Variants in NENF observed in about 807,000 individuals in gnomAD.
NENF encodes neudesin.
Under a neutral mutation model 14.8 loss-of-function variants are expected in NENF, and 6 were observed. The observed-to-expected ratio is 0.40, with a 90% CI of 0.22 to 0.80. The LOEUF (loss-of-function observed/expected upper bound fraction) is 0.80, where lower values mean the gene tolerates loss of function less well. Ranked by LOEUF, NENF falls within the 30% of genes least tolerant of loss-of-function variation. The pLI, the probability that NENF is intolerant of heterozygous loss-of-function variation, is 0.34. For missense variants in NENF, 184 were observed against 212.7 expected, an observed-to-expected ratio of 0.87 and a Z score of 0.84; for synonymous variants, 76 against 95.1, an observed-to-expected ratio of 0.80 and a Z score of 1.17.
At chr1:212,434,162 G>A (rs920082486) in intron 1 of NENF, among the ~76,000 whole-genome samples, 4 of 152,218 alleles carry the variant, frequency 2.6e-5, no homozygotes, top group African/African-American at 7.2e-5. Context: ...AGAACCATGA[G>A]TCAGTGAGGA....
At chr1:212,442,383 G>A (rs1223107947) in intron 1 of NENF, among the ~76,000 whole-genome samples, 182 bp from the exon 2 acceptor site, 1 of 152,264 alleles carries the variant, frequency 6.6e-6, no homozygotes, top group Non-Finnish European at 1.5e-5. Context: ...CCAAATTTCT[G>A]TGTGCGGGCA....
chr1:212,443,194 C>T (rs1662723033), intron 2 of NENF, among the ~76,000 whole-genome samples: 2 of 152,156 alleles, frequency 1.3e-5, no homozygotes, highest in South Asian at 4.2e-4. Flanking sequence ...AATGATTTAC[C>T]CTAGTTGAAG....
Position 212,446,019 on chromosome 1 carries a change from AG to A in NENF, c.*15del, listed in dbSNP as rs1662774574. 6.2e-7 allele frequency: 1 copy of A among 1,613,844 alleles called. No homozygotes were observed. ...GGATGAGTTCTGATGTTCCCCCTGC[AG>A]GAGCAGGTTCTTGGGAGCGTGAGGC... On this transcript the variant is annotated 3_prime_UTR_variant, in exon 4 of 4. Transcript: ENST00000366988.
intron 2 of NENF, among the ~76,000 whole-genome samples, chr1:212,443,104 T>C (rs994171511): frequency 1.3e-5 from 2 of 152,172 alleles, no homozygotes; most frequent in African/African-American, 4.8e-5. Flanking sequence ...CAGCAGGGGC[T>C]TTTTTCCCCT....
chr1:212,438,202 T>G (rs60977696), intron 1 of NENF, among the ~76,000 whole-genome samples: 6,711 of 152,340 alleles, frequency 0.044, 220 homozygotes, highest in Middle Eastern at 0.082. Context: ...GCGCTTGTTT[T>G]CTTCAACTCC....
intron 1 of NENF, among the ~76,000 whole-genome samples, chr1:212,435,715 T>C (rs370461082): frequency 6.6e-6 from 1 of 151,716 alleles, no homozygotes; most frequent in Non-Finnish European, 1.5e-5. Flanking sequence ...TGGCTATTTT[T>C]TAAATTTTCT....
chr1:212,435,778 C>G (rs559494359), intron 1 of NENF, among the ~76,000 whole-genome samples: 4 of 151,992 alleles, frequency 2.6e-5, no homozygotes, highest in Non-Finnish European at 5.9e-5. Context: ...CTCCTGGGCT[C>G]AAGCAACTCT....
At chr1:212,434,821 AAAAGACCCTTG>A (rs1404185662) in intron 1 of NENF, 1 of 152,176 alleles carries the variant, frequency 6.6e-6, no homozygotes, top group Non-Finnish European at 1.5e-5. Flanking sequence ...GAGGACTGAG[AAAAGACCCTTG>A]GTTTTTTGAT....
In NENF at chr1:212,433,042, G is replaced by A. The variant is rs1662543197; in HGVS notation, c.99G>A (p.Gln33=). 4 of 1,187,298 alleles carry A rather than the reference G, an allele frequency of 3.4e-6. No individual in the cohort carries two copies. The highest frequency in any genetic ancestry group is 4.5e-5 in the Admixed American group (1 of 22,098). The allele number at this position is 1,187,298 out of a possible 1,614,324, so 73.5% of individuals were successfully genotyped here. Residue 33 remains glutamine, a synonymous_variant, in exon 1 of 4, where the codon CAG becomes CAA. Transcript: ENST00000366988. This position sits in a 1 kb window ranked among gnomAD's most constrained non-coding sequence, Gnocchi z 5.5. ...GGCTGCCCACAGCCCGGGCCGGGCA[G>A]ACACCGCGCCCTGCCGAGCGGGGGC... ...APGLPTARAG[Q]TPRPAERGPP... is the part of the protein sequence containing the mutation.
intron 1 of NENF, among the ~76,000 whole-genome samples, chr1:212,436,757 CATAAA>C (rs1662606946): frequency 6.6e-6 from 1 of 152,030 alleles, no homozygotes; most frequent in African/African-American, 2.4e-5. Flanking sequence ...CAAATTGACA[CATAAA>C]ATAAATCATC....
At chr1:212,438,182 C>A (rs1284644230) in intron 1 of NENF, among the ~76,000 whole-genome samples, 1 of 152,140 alleles carries the variant, frequency 6.6e-6, no homozygotes, top group Non-Finnish European at 1.5e-5. Flanking sequence ...TTCCAGAGTG[C>A]CTTTCTTTGG....
At position 212,433,502 on chromosome 1, in the gene NENF, G is replaced by A. The variant is rs879314514; in HGVS notation, c.177+382G>A. On this transcript the variant is annotated intron_variant, in intron 1 of 3. Coordinates refer to ENST00000366988, the MANE Select transcript of NENF (RefSeq NM_013349.5). The surrounding 1 kb of genome is among the most constrained non-coding windows in gnomAD (Gnocchi z 5.5). The stretch of plus-strand genomic sequence containing the variant: ...CGCATAGTGGGGAGTGGCGGGGGAC[G>A]GAGGGAGGGAAGCAGAGCCTGCTCC... 1.3e-5 allele frequency among the ~76,000 whole-genome samples: 2 copies of A among 152,038 alleles called. No homozygotes were observed. Among genetic ancestry groups the A allele is most frequent in the Non-Finnish European group, 2.9e-5 (2 of 67,980 alleles).
At chr1:212,437,525 A>G (rs1662628084) in intron 1 of NENF, among the ~76,000 whole-genome samples, 1 of 152,086 alleles carries the variant, frequency 6.6e-6, no homozygotes, top group Non-Finnish European at 1.5e-5. Context: ...TACTAGATAT[A>G]AAAAAACCTT....
chr1:212,441,867 G>A (rs1485257582), intron 1 of NENF, among the ~76,000 whole-genome samples: 5 of 152,206 alleles, frequency 3.3e-5, no homozygotes, highest in Non-Finnish European at 5.9e-5. Context: ...AATGTTACCT[G>A]TAAGAAGCAA....
chr1:212,443,489 T>G (rs539517433), intron 2 of NENF, among the ~76,000 whole-genome samples: 40 of 152,020 alleles, frequency 2.6e-4, no homozygotes, highest in African/African-American at 9.4e-4. Flanking sequence ...AGCTGCCAGG[T>G]TCAAACGATT....
chr1:212,437,671 C>T (rs886648586), intron 1 of NENF, among the ~76,000 whole-genome samples: 4 of 152,148 alleles, frequency 2.6e-5, no homozygotes, highest in African/African-American at 4.8e-5. Context: ...ATGGGAAATC[C>T]GTGAAGCATG....
At chr1:212,443,521 T>C (rs1662726987) in intron 2 of NENF, among the ~76,000 whole-genome samples, 1 of 151,986 alleles carries the variant, frequency 6.6e-6, no homozygotes. Flanking sequence ...GCCTCCTGAG[T>C]AACTGGAATT....
At chr1:212,445,495 G>A (rs977478989) in intron 3 of NENF, among the ~76,000 whole-genome samples, 2 of 151,932 alleles carry the variant, frequency 1.3e-5, no homozygotes, top group Admixed American at 6.6e-5. Context: ...GAGCAGTGTA[G>A]AGAGAGGGAG....
intron 1 of NENF, among the ~76,000 whole-genome samples, chr1:212,437,648 G>A (rs1207351711): frequency 2.0e-5 from 3 of 152,214 alleles, no homozygotes; most frequent in African/African-American, 4.8e-5. Context: ...AGTTTCTCCA[G>A]TGGCAGCTTC....
Sources: allele counts gnomAD v4.1 joint callset (sites outside exome capture counted in the v4.1 genomes callset), GRCh38; gene constraint gnomAD v4.1.1; non-coding constraint Gnocchi (gnomAD v3.1); transcripts MANE v1.5; gene names NCBI Gene and HGNC (gene_info 2026-07-23, HGNC 2026-07-21).